The following HES1 variants were observed in gnomAD, a reference collection of about 807,000 sequenced individuals.
The protein encoded by HES1 is transcription factor HES-1.
A neutral mutation model predicts 21.0 loss-of-function variants in HES1; 7 were observed. The observed-to-expected ratio is 0.33, with a 90% CI of 0.19 to 0.63. The LOEUF is 0.63. HES1 is among the 20% of genes least tolerant of loss of function. The probability of loss-of-function intolerance (pLI) is 0.78; values close to 1 mark genes in which losing one functional copy is unlikely to be tolerated. For missense variants in HES1, 338 were observed against 389.8 expected, an observed-to-expected ratio of 0.87 and a Z score of 1.12; for synonymous variants, 169 against 171.2, an observed-to-expected ratio of 0.99 and a Z score of 0.10.
Position 194,136,375 on chromosome 3 carries a change from A to AAT in HES1, c.-6_-5insAT. 3 of 1,512,092 alleles carry AAT rather than the reference A, an allele frequency of 2.0e-6. No individual in the cohort carries two copies. Among genetic ancestry groups the AAT allele is most frequent in the Non-Finnish European group, 2.7e-6 (3 of 1,121,516 alleles). The allele number at this position is 1,512,092 out of a possible 1,614,324, so 93.7% of individuals were successfully genotyped here. ...CTCTAGAGATAAAAAAAAAAAAAAA[A>AAT]GGAAAATGCCAGCTGATATAATGGA... is the stretch of plus-strand genomic sequence containing the variant. On this transcript the variant is annotated 5_prime_UTR_variant, in exon 1 of 4. It adds an upstream start codon to the 5' untranslated region. Coordinates refer to ENST00000232424, the MANE Select transcript of HES1 (RefSeq NM_005524.4).
chr3:194,137,832 A>C lies in HES1; in HGVS notation c.442A>C (p.Thr148Pro). ...GCTCGGCCACCTGGCCAACTGCATG[A>C]CCCAGATCAATGCCATGACCTACCC... ...RLLGHLANCM[T>P]QINAMTYPGQ... The change falls in exon 4 of 4, where the codon ACC (threonine) becomes CCC (proline). Residue 148 changes from threonine (T) to proline (P), a missense_variant. By Grantham distance (38) the Thr-to-Pro change is conservative (BLOSUM62 -1). Transcript: ENST00000232424. This position sits in a 1 kb window ranked among gnomAD's most constrained non-coding sequence, Gnocchi z 5.4. 1 of 1,611,026 alleles carries C rather than the reference A, an allele frequency of 6.2e-7. No individual in the cohort carries two copies.
Position 194,137,209 on chromosome 3 carries a change from C to A in HES1, c.292+161C>A. The stretch of plus-strand genomic sequence containing the variant: ...GTCTGGGGCTTATTTATAGCCACAA[C>A]TCCAAGTTGTTACTGTTCCGGAAAG... On this transcript the variant is annotated intron_variant, in intron 3 of 3. Transcript: ENST00000232424. The surrounding 1 kb of genome is among the most constrained non-coding windows in gnomAD (Gnocchi z 5.4). 1 of 664,648 alleles carries A rather than the reference C, an allele frequency of 1.5e-6. No individual in the cohort carries two copies. The highest frequency in any genetic ancestry group is 2.7e-6 in the Non-Finnish European group (1 of 377,094). 41.2% of individuals were successfully genotyped at this position (664,648 alleles called of 1,614,324 possible).
chr3:194,136,514 G>C (rs757883081), intron 1 of HES1, 26 bp downstream of exon 1: 11 of 1,574,158 alleles, frequency 7.0e-6, no homozygotes, highest in Admixed American at 3.7e-5. Context: ...GTATCTCTTT[G>C]CAGCCCCTCA....
Position 194,137,617 on chromosome 3 carries a change from G to A in HES1, c.293-66G>A. 1 of 1,470,486 alleles carries A rather than the reference G, an allele frequency of 6.8e-7. No homozygotes were observed. The highest frequency in any genetic ancestry group is 9.1e-7 in the Non-Finnish European group (1 of 1,099,326). The allele number at this position is 1,470,486 out of a possible 1,614,324, so 91.1% of individuals were successfully genotyped here. On this transcript the variant is annotated intron_variant, in intron 3 of 3. Transcript: ENST00000232424. The surrounding 1 kb of genome is among the most constrained non-coding windows in gnomAD (Gnocchi z 5.4). ...GGAGGCGCGCCACAGGGACCTCCCAGGGCGGAGGCAGTGGCCACGGGGCCA... is the reference window on the plus strand; with the variant it reads ...GGAGGCGCGCCACAGGGACCTCCCAAGGCGGAGGCAGTGGCCACGGGGCCA...
chr3:194,136,839 C>T, intron 2 of HES1, 122 bp from the exon 3 acceptor site: 1 of 1,377,156 alleles, frequency 7.3e-7, no homozygotes, highest in Non-Finnish European at 1.0e-6. Flanking sequence ...GGCGGGAGGG[C>T]CCGGCCTTAT....
rs750258090 is a variant in HES1 at position 194,136,476 on chromosome 3, T to C, written c.96T>C (p.Ser32=). ...CACCGGATAAACCAAAGACAGCATC[T>C]GAGCACAGAAAGGTAAGGGCGGTAC... The part of the protein sequence containing the change: ...NTTPDKPKTA[S]EHRKSSKPIM... The change falls in exon 1 of 4, where the codon TCT becomes TCC. Residue 32 remains serine, a synonymous_variant. Coordinates refer to ENST00000232424, the MANE Select transcript of HES1 (RefSeq NM_005524.4). 23 of 1,609,392 alleles carry C rather than the reference T, an allele frequency of 1.4e-5. No homozygotes were observed. Among genetic ancestry groups the C allele is most frequent in the Non-Finnish European group, 1.9e-5 (22 of 1,178,424 alleles).
chr3:194,136,842 G>C, intron 2 of HES1, 119 bp from the exon 3 acceptor site: 3 of 1,372,266 alleles, frequency 2.2e-6, no homozygotes, highest in Non-Finnish European at 3.1e-6. Flanking sequence ...GGGAGGGCCC[G>C]GCCTTATTCG....
Position 194,137,678 on chromosome 3 carries a change from C to T in HES1, c.293-5C>T, listed in dbSNP as rs148500265. ...GTGACCCGTCTGTCTCTTTCTGGCCCGCAGCTGCGCTGAGCACAGACCCAA... is the reference window on the plus strand; with the variant it reads ...GTGACCCGTCTGTCTCTTTCTGGCCTGCAGCTGCGCTGAGCACAGACCCAA... On this transcript the variant is annotated splice_polypyrimidine_tract_variant and splice_region_variant and intron_variant, in intron 3 of 3. Coordinates refer to ENST00000232424, the MANE Select transcript of HES1 (RefSeq NM_005524.4). This position sits in a 1 kb window ranked among gnomAD's most constrained non-coding sequence, Gnocchi z 5.4. The T allele has an allele frequency of 5.6e-3, 8,845 of 1,569,430 alleles. 34 individuals are homozygous for T. The highest frequency in any genetic ancestry group is 6.8e-3 in the Non-Finnish European group (7,849 of 1,153,880).
chr3:194,136,762 C>T (rs752003910), intron 2 of HES1, 50 bp downstream of exon 2: 7 of 1,528,272 alleles, frequency 4.6e-6, no homozygotes, highest in Middle Eastern at 1.7e-4. Flanking sequence ...CAAACACTTT[C>T]TCAGCTACTA....
At position 194,137,215 on chromosome 3, in the gene HES1, G is replaced by A. The variant is rs1012880382; in HGVS notation, c.292+167G>A. 4.0e-5 allele frequency: 26 copies of A among 655,228 alleles called. No individual in the cohort carries two copies. Among genetic ancestry groups the A allele is most frequent in the Middle Eastern group, 4.1e-4 (1 of 2,430 alleles). The allele number at this position is 655,228 out of a possible 1,614,324, so 40.6% of individuals were successfully genotyped here. ...GGCTTATTTATAGCCACAACTCCAA[G>A]TTGTTACTGTTCCGGAAAGGGAGGG... On this transcript the variant is annotated intron_variant, in intron 3 of 3. Coordinates refer to ENST00000232424, the MANE Select transcript of HES1 (RefSeq NM_005524.4). The surrounding 1 kb of genome is among the most constrained non-coding windows in gnomAD (Gnocchi z 5.4).
rs1049435295 is a variant in HES1, at chr3:194,137,283, C to A, written c.292+235C>A. 5 of 603,930 alleles carry A rather than the reference C, an allele frequency of 8.3e-6. No individual in the cohort carries two copies. The African/African-American group carries it at 9.3e-5, about 11-fold the overall frequency. 37.4% of individuals were successfully genotyped at this position (603,930 alleles called of 1,614,324 possible). A position where few individuals can be genotyped will look rare whatever the true frequency, so the allele number is the denominator to read the frequency against. ...GAGGGTGGCGGGCGCCGGGTAGGGGCGAAAGGACTTAGGACTGTGGCGGTT... is the reference window on the plus strand; with the variant it reads ...GAGGGTGGCGGGCGCCGGGTAGGGGAGAAAGGACTTAGGACTGTGGCGGTT... On this transcript the variant is annotated intron_variant, in intron 3 of 3. Transcript: ENST00000232424. The surrounding 1 kb of genome is among the most constrained non-coding windows in gnomAD (Gnocchi z 5.4).
Position 194,138,191 on chromosome 3 carries a change from C to T in HES1, c.801C>T (p.Pro267=). ...GPNAVSPSSG[P]SLTADSMWRP... is the part of the protein sequence containing the mutation. ...ACGCAGTGTCACCTTCCAGCGGCCC[C>T]TCGCTTACGGCGGACTCCATGTGGA... The change falls in exon 4 of 4, where the codon CCC becomes CCT. Residue 267 remains proline, a synonymous_variant. Coordinates refer to ENST00000232424, the MANE Select transcript of HES1 (RefSeq NM_005524.4). 6.3e-7 allele frequency: 1 copy of T among 1,598,874 alleles called. No individual in the cohort carries two copies. Among genetic ancestry groups the T allele is most frequent in the Non-Finnish European group, 8.5e-7 (1 of 1,173,656 alleles).
At position 194,136,528 on chromosome 3, in the gene HES1, T is replaced by C. The variant is rs375956601; in HGVS notation, c.108+40T>C. ...TGTATCTCTTTGCAGCCCCTCAAAATTAAGTAGGGGTTGGGGGGCTTCTTT... is the reference window on the plus strand; with the variant it reads ...TGTATCTCTTTGCAGCCCCTCAAAACTAAGTAGGGGTTGGGGGGCTTCTTT... On this transcript the variant is annotated intron_variant, in intron 1 of 3. Coordinates refer to ENST00000232424, the MANE Select transcript of HES1 (RefSeq NM_005524.4). 6 of 1,559,608 alleles carry C rather than the reference T, an allele frequency of 3.8e-6. No homozygotes were observed. In the African/African-American group the frequency reaches 8.2e-5, roughly 21 times the overall value.
chr3:194,137,627 A>C lies in HES1; in HGVS notation c.293-56A>C. The C allele has an allele frequency of 6.7e-7, 1 of 1,484,998 alleles. No homozygotes were observed. The highest frequency in any genetic ancestry group is 9.0e-7 in the Non-Finnish European group (1 of 1,107,656). The allele number at this position is 1,484,998 out of a possible 1,614,324, so 92.0% of individuals were successfully genotyped here. A position where few individuals can be genotyped will look rare whatever the true frequency, so the allele number is the denominator to read the frequency against. ...CACAGGGACCTCCCAGGGCGGAGGC[A>C]GTGGCCACGGGGCCAGGGCCGTTCG... On this transcript the variant is annotated intron_variant, in intron 3 of 3. Transcript: ENST00000232424. The surrounding 1 kb of genome is among the most constrained non-coding windows in gnomAD (Gnocchi z 5.4).
chr3:194,137,072 C>T lies in HES1; in HGVS notation c.292+24C>T. On this transcript the variant is annotated intron_variant, in intron 3 of 3. Coordinates refer to ENST00000232424, the MANE Select transcript of HES1 (RefSeq NM_005524.4). This position sits in a 1 kb window ranked among gnomAD's most constrained non-coding sequence, Gnocchi z 5.4. ...GGGTGAGGGCGGCTCGCCGCGTCCC[C>T]CTGTGCGGGCGTCCCGCTCGCCTCG... The T allele has an allele frequency of 1.3e-6, 2 of 1,596,476 alleles. No homozygotes were observed. Among genetic ancestry groups the T allele is most frequent in the South Asian group, 1.1e-5 (1 of 90,724 alleles).
Position 194,137,217 on chromosome 3 carries a change from T to A in HES1, c.292+169T>A, listed in dbSNP as rs1715366248. On this transcript the variant is annotated intron_variant, in intron 3 of 3. Coordinates refer to ENST00000232424, the MANE Select transcript of HES1 (RefSeq NM_005524.4). The surrounding 1 kb of genome is among the most constrained non-coding windows in gnomAD (Gnocchi z 5.4). ...CTTATTTATAGCCACAACTCCAAGT[T>A]GTTACTGTTCCGGAAAGGGAGGGAA... 3.1e-6 allele frequency: 2 copies of A among 655,568 alleles called. No homozygotes were observed. Among genetic ancestry groups the A allele is most frequent in the Non-Finnish European group, 5.4e-6 (2 of 372,148 alleles). 40.6% of individuals were successfully genotyped at this position (655,568 alleles called of 1,614,324 possible).
chr3:194,137,412 C>T lies in HES1; in HGVS notation c.293-271C>T, dbSNP rs1012847742. On this transcript the variant is annotated intron_variant, in intron 3 of 3. Transcript: ENST00000232424. The surrounding 1 kb of genome is among the most constrained non-coding windows in gnomAD (Gnocchi z 5.4). ...GATTGGGAGGCATTGTCCAAGGTCA[C>T]ATCGCGCGCGGGGGTGGGGGTGACA... 1.8e-6 allele frequency: 1 copy of T among 566,738 alleles called. No homozygotes were observed. Among genetic ancestry groups the T allele is most frequent in the South Asian group, 2.3e-5 (1 of 44,004 alleles). The allele number at this position is 566,738 out of a possible 1,614,324, so 35.1% of individuals were successfully genotyped here. A position where few individuals can be genotyped will look rare whatever the true frequency, so the allele number is the denominator to read the frequency against.
chr3:194,137,041 G>T lies in HES1; in HGVS notation c.285G>T (p.Gln95His). 6.2e-7 allele frequency: 1 copy of T among 1,614,006 alleles called. No individual in the cohort carries two copies. Among genetic ancestry groups the T allele is most frequent in the Non-Finnish European group, 8.5e-7 (1 of 1,179,908 alleles). ...ACCTCCGGAACCTGCAGCGGGCGCA[G>T]ATGACGGGTGAGGGCGGCTCGCCGC... ...VKHLRNLQRA[Q>H]MTAALSTDPS... The change falls in exon 3 of 4, where the codon CAG becomes CAT. Residue 95 changes from glutamine (Q) to histidine (H), a missense_variant. Gln to His is a conservative substitution (Grantham distance 24). Transcript: ENST00000232424. The surrounding 1 kb of genome is among the most constrained non-coding windows in gnomAD (Gnocchi z 5.4).
In HES1 at chr3:194,137,613, C is replaced by T; in HGVS notation, c.293-70C>T. On this transcript the variant is annotated intron_variant, in intron 3 of 3. Coordinates refer to ENST00000232424, the MANE Select transcript of HES1 (RefSeq NM_005524.4). The surrounding 1 kb of genome is among the most constrained non-coding windows in gnomAD (Gnocchi z 5.4). ...TCAGGGAGGCGCGCCACAGGGACCT[C>T]CCAGGGCGGAGGCAGTGGCCACGGG... The T allele has an allele frequency of 1.4e-6, 2 of 1,465,914 alleles. No homozygotes were observed. The highest frequency in any genetic ancestry group is 1.8e-6 in the Non-Finnish European group (2 of 1,097,592). 90.8% of individuals were successfully genotyped at this position (1,465,914 alleles called of 1,614,324 possible). A position where few individuals can be genotyped will look rare whatever the true frequency, so the allele number is the denominator to read the frequency against.
Sources: allele counts gnomAD v4.1 joint callset, GRCh38; gene constraint gnomAD v4.1.1; non-coding constraint Gnocchi (gnomAD v3.1); transcripts MANE v1.5; gene names NCBI Gene and HGNC (gene_info 2026-07-23, HGNC 2026-07-21).